DLEU7: variants seen among roughly 807,000 people sequenced by gnomAD.
DLEU7 encodes deleted in lymphocytic leukemia 7.
A neutral mutation model predicts 16.0 loss-of-function variants in DLEU7; 17 were observed. The ratio of observed to expected loss-of-function variants is 1.06; its 90% CI spans 0.73 to 1.59. The LOEUF is 1.59. Among genes scored for constraint, DLEU7 ranks in the 40% most tolerant of loss-of-function variants. DLEU7 has a pLI of 0.00. For synonymous variants in DLEU7, 113 were observed against 139.8 expected, an observed-to-expected ratio of 0.81 and a Z score of 1.35; for missense variants, 308 against 314.9, an observed-to-expected ratio of 0.98 and a Z score of 0.17.
At chr13:50,742,900 A>G (rs1874289999) in intron 1 of DLEU7, among the ~76,000 whole-genome samples, 1 of 152,156 alleles carries the variant, frequency 6.6e-6, no homozygotes, top group Non-Finnish European at 1.5e-5. Flanking sequence ...AGAGTATAAA[A>G]AACCCTCTTC....
rs1402440509 is a variant in DLEU7, at chr13:50,769,272, G to GC, written c.460-56033dup. On this transcript the variant is annotated intron_variant, in intron 1 of 1. Coordinates refer to the DLEU7 transcript ENST00000400393. The stretch of plus-strand genomic sequence containing the variant: ...CTCTGATGGTAGTTTCTTTTGCTGT[G>GC]CAGAAGCTCTTTAGTTTCATTAGAT... 4.6e-5 allele frequency among the ~76,000 whole-genome samples: 7 copies of GC among 152,288 alleles called. No individual in the cohort carries two copies. The East Asian group carries it at 1.3e-3, about 29-fold the overall frequency.
intron 1 of DLEU7, among the ~76,000 whole-genome samples, chr13:50,834,241 A>T (rs1322352626): frequency 3.3e-5 from 5 of 152,188 alleles, no homozygotes; most frequent in African/African-American, 7.2e-5. Context: ...AACTATCATC[A>T]GAGTGAACAG....
chr13:50,822,057 CGCACACACACACACACACGCAT>C (rs567240433), downstream of DLEU7, among the ~76,000 whole-genome samples: 42 of 151,994 alleles, frequency 2.8e-4, no homozygotes, highest in African/African-American at 9.2e-4. Context: ...CACACATGAG[CGCACACACACACACACACGCAT>C]GCACACAGAC....
At chr13:50,724,737 T>C (rs1873719882) in intron 1 of DLEU7, among the ~76,000 whole-genome samples, 1 of 152,142 alleles carries the variant, frequency 6.6e-6, no homozygotes, top group Non-Finnish European at 1.5e-5. Context: ...ACTCAGGCTA[T>C]CGGCCCATCG....
At chr13:50,799,937 T>C (rs1014787312) in intron 1 of DLEU7, among the ~76,000 whole-genome samples, 1 of 152,214 alleles carries the variant, frequency 6.6e-6, no homozygotes, top group African/African-American at 2.4e-5. Context: ...TGTCCACATA[T>C]ATGTGTGTAG....
intron 1 of DLEU7, among the ~76,000 whole-genome samples, chr13:50,746,282 A>G (rs1345376972): frequency 6.6e-6 from 1 of 152,168 alleles, no homozygotes; most frequent in Non-Finnish European, 1.5e-5. Context: ...AACTCTTTTG[A>G]TTCTTAAACA....
chr13:50,742,896 T>C (rs1199637838), intron 1 of DLEU7, among the ~76,000 whole-genome samples: 1 of 151,966 alleles, frequency 6.6e-6, no homozygotes, highest in Non-Finnish European at 1.5e-5. Context: ...ATATAGAGTA[T>C]AAAAAACCCT....
chr13:50,798,383 G>A (rs1226752149), intron 1 of DLEU7, among the ~76,000 whole-genome samples: 3 of 152,108 alleles, frequency 2.0e-5, no homozygotes, highest in South Asian at 4.1e-4. Flanking sequence ...TAATTTTTAC[G>A]TTAAGTTCCC....
intron 1 of DLEU7, among the ~76,000 whole-genome samples, chr13:50,777,889 A>G (rs529750873): frequency 5.3e-5 from 8 of 152,302 alleles, no homozygotes; most frequent in African/African-American, 1.9e-4. Flanking sequence ...ATCTAACTTT[A>G]TATTTCATTA....
intron 1 of DLEU7, among the ~76,000 whole-genome samples, chr13:50,805,754 G>A (rs979864524): frequency 2.6e-5 from 4 of 152,118 alleles, no homozygotes; most frequent in African/African-American, 7.2e-5. Context: ...GAGGCCCAGG[G>A]AAGCACTCAG....
chr13:50,771,773 A>G (rs1219906910), intron 1 of DLEU7, among the ~76,000 whole-genome samples: 3 of 152,182 alleles, frequency 2.0e-5, no homozygotes, highest in East Asian at 1.9e-4. Context: ...GTAGATGTCT[A>G]TTAGGTCTGC....
intron 1 of DLEU7, among the ~76,000 whole-genome samples, chr13:50,724,724 C>G (rs1244732512): frequency 1.3e-5 from 2 of 152,170 alleles, no homozygotes; most frequent in Non-Finnish European, 2.9e-5. Context: ...GCATGCCTCA[C>G]TCACTCAGGC....
chr13:50,786,269 A>G (rs1347992873), intron 1 of DLEU7, among the ~76,000 whole-genome samples: 1 of 152,188 alleles, frequency 6.6e-6, no homozygotes, highest in Admixed American at 6.5e-5. Context: ...ACCATATGCC[A>G]TATTCATAGA....
intron 1 of DLEU7, among the ~76,000 whole-genome samples, chr13:50,720,290 T>C (rs1873563239): frequency 1.3e-5 from 2 of 152,186 alleles, no homozygotes; most frequent in African/African-American, 4.8e-5. Flanking sequence ...TTCCGTGTGT[T>C]TTCATTTTTC....
chr13:50,784,626 TCA>T (rs1875749034), intron 1 of DLEU7, among the ~76,000 whole-genome samples: 1 of 152,186 alleles, frequency 6.6e-6, no homozygotes, highest in Non-Finnish European at 1.5e-5. Context: ...CTGGAGACAC[TCA>T]CAGAGAGATT....
At chr13:50,766,030 G>C (rs955332688) in intron 1 of DLEU7, among the ~76,000 whole-genome samples, 10 of 152,240 alleles carry the variant, frequency 6.6e-5, no homozygotes, top group African/African-American at 2.4e-4. Context: ...AGGAGGGTTG[G>C]GGGTGGGGTG....
chr13:50,711,373 T>G (rs1362074924), downstream of DLEU7: 1 of 152,192 alleles, frequency 6.6e-6, no homozygotes, highest in East Asian at 1.9e-4. Context: ...ATCTAACACT[T>G]TCAGTAGATC....
intron 1 of DLEU7, among the ~76,000 whole-genome samples, chr13:50,714,866 C>T (rs552152730): frequency 6.6e-6 from 1 of 152,286 alleles, no homozygotes; most frequent in Admixed American, 6.5e-5. Context: ...TTAAAAATAG[C>T]AAAATTACTA....
At chr13:50,818,392 A>C (rs1259772178), downstream of DLEU7, 2 of 152,172 alleles carry the variant, frequency 1.3e-5, no homozygotes, top group African/African-American at 4.8e-5. Flanking sequence ...CCTAAAATGC[A>C]CTGATCAATT....
Sources: gnomAD v4.1 joint callset for allele counts (sites outside exome capture counted in the v4.1 genomes callset) on GRCh38, gnomAD v4.1.1 for gene constraint, MANE v1.5 for transcripts, NCBI Gene and HGNC (gene_info 2026-07-23, HGNC 2026-07-21) for gene names.